BAZ1A: variants seen among roughly 807,000 people sequenced by gnomAD.
BAZ1A encodes bromodomain adjacent to zinc finger domain 1A.
Under a neutral mutation model 185.2 loss-of-function variants are expected in BAZ1A, and 50 were observed. The ratio of observed to expected loss-of-function variants is 0.27; its 90% CI spans 0.22 to 0.34. The LOEUF is 0.34. BAZ1A is among the 10% of genes least tolerant of loss of function. The pLI is 1.00. For missense variants in BAZ1A, 1,356 were observed against 1,839.9 expected (o/e 0.74, Z 4.81); for synonymous variants, 571 against 615.6 (o/e 0.93, Z 1.07).
chr14:34,843,567 T>G (rs1350928646), intron 3 of BAZ1A, among the ~76,000 whole-genome samples: 1 of 152,118 alleles, frequency 6.6e-6, no homozygotes, highest in African/African-American at 2.4e-5. Flanking sequence ...TCTAAGAACA[T>G]TGCAGCCAAC....
intron 21 of BAZ1A, among the ~76,000 whole-genome samples, chr14:34,770,306 A>G (rs942537703): frequency 6.6e-6 from 1 of 152,112 alleles, no homozygotes; most frequent in Non-Finnish European, 1.5e-5. Flanking sequence ...GGCATGCACC[A>G]CCACACCCAC....
Position 34,801,201 on chromosome 14 carries a change from AC to A in BAZ1A, c.862-9del. 6.3e-7 allele frequency: 1 copy of A among 1,585,944 alleles called. No homozygotes were observed. Among genetic ancestry groups the A allele is most frequent in the Non-Finnish European group, 8.6e-7 (1 of 1,162,164 alleles). ...ATTAGCAACATTGTCCTCCTAAAAA[AC>A]AAACCAAAATAGTATGCCTGGTTCT... On this transcript the variant is annotated splice_polypyrimidine_tract_variant and intron_variant, in intron 7 of 26. Transcript: ENST00000360310.
intron 3 of BAZ1A, among the ~76,000 whole-genome samples, chr14:34,851,272 G>A (rs2042592123): frequency 7.2e-6 from 1 of 139,658 alleles, no homozygotes; most frequent in African/African-American, 2.6e-5. Context: ...TATGGAGGTT[G>A]TGGTGAGCTG....
intron 11 of BAZ1A, among the ~76,000 whole-genome samples, chr14:34,794,063 T>C (rs997566077): frequency 2.6e-5 from 4 of 151,582 alleles, no homozygotes; most frequent in African/African-American, 9.7e-5. Context: ...ACCCTGGAGG[T>C]GGAGCTTGCA....
chr14:34,847,212 T>C (rs564323459), intron 3 of BAZ1A, among the ~76,000 whole-genome samples: 3 of 150,280 alleles, frequency 2.0e-5, no homozygotes, highest in Non-Finnish European at 4.4e-5. Flanking sequence ...ATATCCAGAC[T>C]GGGTGACAGA....
chr14:34,785,419 C>T (rs562319634), intron 14 of BAZ1A, among the ~76,000 whole-genome samples: 1 of 152,232 alleles, frequency 6.6e-6, no homozygotes, highest in East Asian at 1.9e-4. Flanking sequence ...ATCTTAACCT[C>T]ATATACTGTT....
chr14:34,829,982 A>G (rs1392974686), intron 3 of BAZ1A, among the ~76,000 whole-genome samples: 1 of 152,182 alleles, frequency 6.6e-6, no homozygotes, highest in Non-Finnish European at 1.5e-5. Context: ...GGTCAAAAAA[A>G]TCCATTTCTT....
intron 3 of BAZ1A, among the ~76,000 whole-genome samples, chr14:34,861,654 T>C (rs1431393123): frequency 1.3e-5 from 2 of 152,182 alleles, no homozygotes; most frequent in African/African-American, 4.8e-5. Context: ...TTCCATATAA[T>C]AGAACTTTAT....
At position 34,861,946 on chromosome 14, in the gene BAZ1A, TA is replaced by T. The variant is rs2042775282; in HGVS notation, c.392+97del. The stretch of plus-strand genomic sequence containing the variant: ...GGTTAACAGAATAGCTAGAGCATAG[TA>T]AAAGGGAAGATTTCCTTAGGTCACC... On this transcript the variant is annotated intron_variant, in intron 3 of 26. Coordinates refer to ENST00000360310, the MANE Select transcript of BAZ1A (RefSeq NM_013448.3). 19 of 1,372,070 alleles carry T rather than the reference TA, an allele frequency of 1.4e-5. 1 individual carries two copies. The South Asian group carries it at 2.5e-4, about 18-fold the overall frequency. 85.0% of individuals were successfully genotyped at this position (1,372,070 alleles called of 1,614,324 possible).
At chr14:34,761,164 C>T (rs1886507722) in intron 24 of BAZ1A, among the ~76,000 whole-genome samples, 1 of 152,022 alleles carries the variant, frequency 6.6e-6, no homozygotes, top group African/African-American at 2.4e-5. Flanking sequence ...TGTAATCCTG[C>T]TACTCGAGAG....
At chr14:34,763,602 G>A (rs1878587808) in intron 23 of BAZ1A, among the ~76,000 whole-genome samples, 1 of 152,052 alleles carries the variant, frequency 6.6e-6, no homozygotes, top group African/African-American at 2.4e-5. Context: ...TTCACTGCAT[G>A]CTACAATTAT....
intron 21 of BAZ1A, among the ~76,000 whole-genome samples, chr14:34,770,837 G>A (rs1193919928): frequency 2.0e-5 from 3 of 152,002 alleles, no homozygotes; most frequent in Non-Finnish European, 2.9e-5. Flanking sequence ...TTTAGCACTT[G>A]GTATTTCTGA....
intron 17 of BAZ1A, 90 bp from the exon 18 acceptor site, chr14:34,776,605 TG>T: frequency 9.4e-7 from 1 of 1,059,230 alleles, no homozygotes; most frequent in South Asian, 1.6e-5. Flanking sequence ...AGTTATTAGG[TG>T]TTATGAACTA....
intron 3 of BAZ1A, among the ~76,000 whole-genome samples, chr14:34,837,840 C>T (rs2042353597): frequency 6.6e-6 from 1 of 152,110 alleles, no homozygotes; most frequent in African/African-American, 2.4e-5. Context: ...AGTCTTGCCT[C>T]CTTACAGCAA....
chr14:34,786,548 G>A, intron 12 of BAZ1A: 1 of 163,438 alleles, frequency 6.1e-6, no homozygotes. Flanking sequence ...TATAACCTTA[G>A]AAAAGTCTAC....
intron 12 of BAZ1A, among the ~76,000 whole-genome samples, chr14:34,787,363 A>AAAAAGAAAAG (rs1555339668): frequency 2.7e-5 from 3 of 112,796 alleles, no homozygotes; most frequent in Non-Finnish European, 5.3e-5. Context: ...AAAAAAAAAA[A>AAAAAGAAAAG]AAAAAGAAAA....
At chr14:34,860,518 T>TAAAAAAAAAAAAAAAAAACAAAAAAAA (rs397852116) in intron 3 of BAZ1A, among the ~76,000 whole-genome samples, 1 of 70,602 alleles carries the variant, frequency 1.4e-5, no homozygotes, top group Non-Finnish European at 2.5e-5. Context: ...TACCAAAAGT[T>TAAAAAAAAAAAAAAAAAACAAAAAAAA]AAAAAAAAAA....
chr14:34,838,657 T>C (rs2042365626), intron 3 of BAZ1A, among the ~76,000 whole-genome samples: 1 of 152,034 alleles, frequency 6.6e-6, no homozygotes, highest in Non-Finnish European at 1.5e-5. Context: ...CCCAAGTTGC[T>C]GGAATTACAG....
Position 34,812,434 on chromosome 14 carries a change from A to G in BAZ1A, c.537-1398T>C, listed in dbSNP as rs151069491. 1.3e-3 allele frequency among the ~76,000 whole-genome samples: 194 copies of G among 152,332 alleles called. 2 individuals carry two copies. Among genetic ancestry groups the G allele is most frequent in the African/African-American group, 4.5e-3 (188 of 41,570 alleles). On this transcript the variant is annotated intron_variant, in intron 4 of 26. Coordinates refer to ENST00000360310, the MANE Select transcript of BAZ1A (RefSeq NM_013448.3). The stretch of plus-strand genomic sequence containing the variant: ...ATGAGACTTTGGATATTGAGTAGTC[A>G]CTAGAGGATTTTTAATAATAAGGTG...
Sources: allele counts gnomAD v4.1 joint callset (sites outside exome capture counted in the v4.1 genomes callset), GRCh38; gene constraint gnomAD v4.1.1; transcripts MANE v1.5; gene names NCBI Gene and HGNC (gene_info 2026-07-23, HGNC 2026-07-21).